The following LSMEM1 variants were observed in gnomAD, a reference collection of about 807,000 sequenced individuals.
LSMEM1 encodes leucine rich single-pass membrane protein 1.
A neutral mutation model predicts 11.3 loss-of-function variants in LSMEM1; 10 were observed. That is an observed-to-expected ratio of 0.89 (90% CI 0.55 to 1.50). The LOEUF (loss-of-function observed/expected upper bound fraction) is 1.50. Among genes scored for constraint, LSMEM1 ranks in the 40% most tolerant of loss-of-function variants. The pLI is 0.00. For missense variants in LSMEM1, 151 were observed against 152.9 expected (o/e 0.99, Z 0.06); for synonymous variants, 65 against 59.3 (o/e 1.10, Z -0.44).
intron 2 of LSMEM1, chr7:112,486,069 C>G (rs1276421000): frequency 6.4e-6 from 1 of 156,420 alleles, no homozygotes; most frequent in African/African-American, 2.4e-5. Context: ...GCTTCCAGAG[C>G]ATATCCATCC....
rs553893717 is a variant in LSMEM1, at chr7:112,486,385, G to C, written c.128-538G>C. On this transcript the variant is annotated intron_variant, in intron 2 of 3. Coordinates refer to ENST00000312849, the MANE Select transcript of LSMEM1 (RefSeq NM_182597.3). ...CAGTCTTCAAAGAACTTTCCAAAGA[G>C]GTCTAAGGAGATAGCTTAACCCTGC... The C allele has an allele frequency of 5.8e-4, 263 of 454,138 alleles. 5 individuals are homozygous for C. The highest frequency in any genetic ancestry group is 3.8e-3 in the South Asian group (242 of 64,398). The allele number at this position is 454,138 out of a possible 1,614,324, so 28.1% of individuals were successfully genotyped here.
At chr7:112,487,810 T>C (rs1054293978) in intron 3 of LSMEM1, among the ~76,000 whole-genome samples, 1 of 152,240 alleles carries the variant, frequency 6.6e-6, no homozygotes, top group African/African-American at 2.4e-5. Flanking sequence ...TCCTCTCTCA[T>C]CTGGAATTAT....
chr7:112,480,822 C>G (rs375827026), upstream of LSMEM1: 9 of 456,166 alleles, frequency 2.0e-5, no homozygotes, highest in South Asian at 1.2e-4. Flanking sequence ...ATATTCTGTC[C>G]GTGTTTATTG....
At chr7:112,488,707 C>T (rs994805501) in intron 3 of LSMEM1, among the ~76,000 whole-genome samples, 14 of 152,160 alleles carry the variant, frequency 9.2e-5, no homozygotes, top group African/African-American at 3.4e-4. Flanking sequence ...AGCGATTCTC[C>T]TGCCTCAGCC....
Position 112,486,763 on chromosome 7 carries a change from A to G in LSMEM1, c.128-160A>G, listed in dbSNP as rs959302919. 24 of 964,932 alleles carry G rather than the reference A, an allele frequency of 2.5e-5. No homozygotes were observed. The Admixed American group carries it at 6.3e-4, about 25-fold the overall frequency. 59.8% of individuals were successfully genotyped at this position (964,932 alleles called of 1,614,324 possible). A position where few individuals can be genotyped will look rare whatever the true frequency, so the allele number is the denominator to read the frequency against. On this transcript the variant is annotated intron_variant, in intron 2 of 3. Transcript: ENST00000312849. Reference sequence around the variant, plus strand: ...TGCACTCCAGCCTGGTTGACAGAGCAAGACTCTGTCTCAAAAAAAAAGAGT... The same window carrying G: ...TGCACTCCAGCCTGGTTGACAGAGCGAGACTCTGTCTCAAAAAAAAAGAGT...
chr7:112,487,242 G>T (rs762564902), intron 3 of LSMEM1, among the ~76,000 whole-genome samples, 191 bp downstream of exon 3: 2 of 152,160 alleles, frequency 1.3e-5, no homozygotes, highest in Non-Finnish European at 2.9e-5. Flanking sequence ...CAAACCCACT[G>T]CAGAAGCCCA....
chr7:112,485,011 G>T, intron 2 of LSMEM1, 68 bp downstream of exon 2: 2 of 1,450,446 alleles, frequency 1.4e-6, no homozygotes, highest in East Asian at 2.6e-5. Context: ...AGCCACTGCT[G>T]ACTGGATGTG....
At chr7:112,487,848 G>A (rs771759854) in intron 3 of LSMEM1, among the ~76,000 whole-genome samples, 1 of 152,256 alleles carries the variant, frequency 6.6e-6, no homozygotes, top group African/African-American at 2.4e-5. Flanking sequence ...TGACTTAAGA[G>A]CAGACAGAGC....
At chr7:112,483,801 C>A (rs995313055) in intron 1 of LSMEM1, among the ~76,000 whole-genome samples, 8 of 152,126 alleles carry the variant, frequency 5.3e-5, no homozygotes, top group African/African-American at 1.9e-4. Flanking sequence ...TCCTCATTTG[C>A]GGAAAGGATG....
intron 1 of LSMEM1, among the ~76,000 whole-genome samples, chr7:112,481,961 C>T (rs1178014552): frequency 6.6e-6 from 1 of 152,214 alleles, no homozygotes; most frequent in Admixed American, 6.5e-5. Context: ...GCTGGTTGTT[C>T]CTAGATGCCC....
At chr7:112,480,972 A>G (rs537164104), upstream of LSMEM1, 1 of 447,188 alleles carries the variant, frequency 2.2e-6, no homozygotes, top group South Asian at 1.6e-5. Context: ...TGCTTCAGCC[A>G]GATAAGGACG....
At position 112,481,829 on chromosome 7, in the gene LSMEM1, T is replaced by TCCC. The variant is rs1314794653; in HGVS notation, c.-6+484_-6+485insCCC. 1.8e-4 allele frequency among the ~76,000 whole-genome samples: 27 copies of TCCC among 152,376 alleles called. No individual in the cohort carries two copies. The South Asian group carries it at 3.7e-3, about 21-fold the overall frequency. ...TTCCAGTCAAGGTATAAGAAAGGGTTCTGTTAAAGGGATGCTGCTTTAGCC... is the reference window on the plus strand; with the variant it reads ...TTCCAGTCAAGGTATAAGAAAGGGTTCCCCTGTTAAAGGGATGCTGCTTTAGCC... On this transcript the variant is annotated intron_variant, in intron 1 of 3. Coordinates refer to ENST00000312849, the MANE Select transcript of LSMEM1 (RefSeq NM_182597.3).
At chr7:112,484,785 G>T (rs1341972437) in intron 1 of LSMEM1, 27 bp from the exon 2 acceptor site, 1 of 1,607,310 alleles carries the variant, frequency 6.2e-7, no homozygotes, top group African/African-American at 1.3e-5. Flanking sequence ...CCAACCTCTT[G>T]TTTTTAACAT....
Position 112,484,806 on chromosome 7 carries a change from T to C in LSMEM1, c.-5-6T>C. ...TCTTGTTTTTAACATCAGTGTTTTCTTCCAGGGACAATGACTCATTCTTCC... is the reference window on the plus strand; with the variant it reads ...TCTTGTTTTTAACATCAGTGTTTTCCTCCAGGGACAATGACTCATTCTTCC... On this transcript the variant is annotated splice_region_variant and splice_polypyrimidine_tract_variant and intron_variant, in intron 1 of 3. Coordinates refer to ENST00000312849, the MANE Select transcript of LSMEM1 (RefSeq NM_182597.3). The C allele has an allele frequency of 6.2e-7, 1 of 1,612,040 alleles. No individual in the cohort carries two copies. Among genetic ancestry groups the C allele is most frequent in the African/African-American group, 1.3e-5 (1 of 74,938 alleles).
intron 1 of LSMEM1, among the ~76,000 whole-genome samples, chr7:112,483,899 T>C (rs1451289278): frequency 2.6e-5 from 4 of 152,242 alleles, no homozygotes; most frequent in African/African-American, 7.2e-5. Context: ...AAAGCTTTTA[T>C]AGTAATTGAA....
intron 2 of LSMEM1, 50 bp downstream of exon 2, chr7:112,484,993 C>A (rs1398428888): frequency 1.1e-5 from 16 of 1,500,098 alleles, no homozygotes; most frequent in Non-Finnish European, 1.4e-5. Context: ...TCTAGGCTAC[C>A]TAAAAATAGC....
At chr7:112,485,188 T>C (rs1796105379) in intron 2 of LSMEM1, among the ~76,000 whole-genome samples, 1 of 152,216 alleles carries the variant, frequency 6.6e-6, no homozygotes, top group African/African-American at 2.4e-5. Flanking sequence ...TGAGATCCTG[T>C]GGCGTTTCTG....
rs1796209040 is a variant in LSMEM1, at chr7:112,490,051, G to T, written c.*102G>T. 9.4e-6 allele frequency: 13 copies of T among 1,379,752 alleles called. No individual in the cohort carries two copies. In the South Asian group the frequency reaches 1.9e-4, roughly 20 times the overall value. The allele number at this position is 1,379,752 out of a possible 1,614,324, so 85.5% of individuals were successfully genotyped here. A position where few individuals can be genotyped will look rare whatever the true frequency, so the allele number is the denominator to read the frequency against. Reference sequence around the variant, plus strand: ...AGAAAGTGCACTTCCTCAGGCAACAGATGATCTGGTCAGGCAACCCACCCC... The same window carrying T: ...AGAAAGTGCACTTCCTCAGGCAACATATGATCTGGTCAGGCAACCCACCCC... On this transcript the variant is annotated 3_prime_UTR_variant, in exon 4 of 4. Coordinates refer to ENST00000312849, the MANE Select transcript of LSMEM1 (RefSeq NM_182597.3).
intron 2 of LSMEM1, among the ~76,000 whole-genome samples, chr7:112,485,234 C>T (rs901393935): frequency 1.3e-5 from 2 of 152,124 alleles, no homozygotes; most frequent in Non-Finnish European, 2.9e-5. Flanking sequence ...GAGCTGGACT[C>T]CTGGAGGCTG....
Sources: gnomAD v4.1 joint callset for allele counts (sites outside exome capture counted in the v4.1 genomes callset) on GRCh38, gnomAD v4.1.1 for gene constraint, MANE v1.5 for transcripts, NCBI Gene and HGNC (gene_info 2026-07-23, HGNC 2026-07-21) for gene names.